CNIH3: variants seen among roughly 807,000 people sequenced by gnomAD.
The protein encoded by CNIH3 is cornichon family AMPA receptor auxiliary protein 3.
Under a neutral mutation model 24.1 loss-of-function variants are expected in CNIH3, and 14 were observed. The observed-to-expected ratio is 0.58, with a 90% confidence interval of 0.38 to 0.91. CNIH3 has a LOEUF of 0.91. Ranked by LOEUF, CNIH3 falls within the 40% of genes least tolerant of loss-of-function variation. The probability of loss-of-function intolerance (pLI) is 0.00; values close to 1 mark genes in which losing one functional copy is unlikely to be tolerated. For missense variants in CNIH3, 178 were observed against 196.8 expected (o/e 0.90, Z 0.57); for synonymous variants, 68 against 73.8 (o/e 0.92, Z 0.40).
At chr1:224,499,841 A>T (rs1480361709) in intron 1 of CNIH3, among the ~76,000 whole-genome samples, 2 of 151,006 alleles carry the variant, frequency 1.3e-5, no homozygotes, top group Non-Finnish European at 2.9e-5. Context: ...AGGCAGGAGG[A>T]TCGCTTGAGG....
At chr1:224,521,473 T>C (rs1035810498) in intron 2 of CNIH3, 2 of 152,100 alleles carry the variant, frequency 1.3e-5, no homozygotes, top group African/African-American at 2.4e-5. Flanking sequence ...ACACACTGGG[T>C]TTTCTTTGGG....
At chr1:224,690,620 T>C (rs1686883815) in intron 3 of CNIH3, among the ~76,000 whole-genome samples, 1 of 152,250 alleles carries the variant, frequency 6.6e-6, no homozygotes, top group African/African-American at 2.4e-5. Context: ...GACAATTCTG[T>C]GATTCTCCAA....
chr1:224,707,340 G>T (rs1326109639), intron 3 of CNIH3, among the ~76,000 whole-genome samples: 1 of 152,064 alleles, frequency 6.6e-6, no homozygotes, highest in Non-Finnish European at 1.5e-5. Context: ...AAATCTATTG[G>T]ATGAAAAGCA....
At chr1:224,533,548 T>C (rs569189229) in intron 2 of CNIH3, among the ~76,000 whole-genome samples, 78 of 152,302 alleles carry the variant, frequency 5.1e-4, no homozygotes, top group African/African-American at 1.9e-3. Flanking sequence ...TGGAAGTCTG[T>C]CATCGAGGTG....
rs537147525 is a variant in CNIH3 at position 224,647,049 on chromosome 1, C to T, written c.81+29794C>T. The stretch of plus-strand genomic sequence containing the variant: ...TCATGCAAGCCAGGGCGCAGTGGTG[C>T]AGTCTCGGCTCGCTGCAACCTCCAC... On this transcript the variant is annotated intron_variant, in intron 1 of 5. Coordinates refer to ENST00000272133, the MANE Select transcript of CNIH3 (RefSeq NM_152495.2). 2.7e-3 allele frequency among the ~76,000 whole-genome samples: 416 copies of T among 152,250 alleles called. 1 individual carries two copies. The highest frequency in any genetic ancestry group is 0.027 in the Middle Eastern group (8 of 294).
intron 1 of CNIH3, among the ~76,000 whole-genome samples, chr1:224,486,827 G>T (rs111473665): frequency 1.6e-3 from 242 of 152,310 alleles, no homozygotes; most frequent in African/African-American, 5.7e-3. Context: ...TTATCACAGT[G>T]CCTGATGCAC....
In CNIH3 at chr1:224,672,897, A is replaced by C. The variant is rs1028189431; in HGVS notation, c.82-8061A>C. 7.2e-5 allele frequency among the ~76,000 whole-genome samples: 11 copies of C among 152,262 alleles called. No homozygotes were observed. The East Asian group carries it at 2.1e-3, about 29-fold the overall frequency. ...TGGACCTGTAGTCAGAGTTTCTAGG[A>C]GGTTTGGGGCATGTGCCCACTCATT... On this transcript the variant is annotated intron_variant, in intron 1 of 5. Transcript: ENST00000272133.
chr1:224,516,401 C>G (rs1404969013), intron 1 of CNIH3, among the ~76,000 whole-genome samples: 4 of 151,686 alleles, frequency 2.6e-5, no homozygotes, highest in Non-Finnish European at 5.9e-5. Flanking sequence ...TTGCTGACTT[C>G]CTAGTCAACT....
At chr1:224,644,292 C>T (rs1684495560) in intron 1 of CNIH3, among the ~76,000 whole-genome samples, 1 of 152,150 alleles carries the variant, frequency 6.6e-6, no homozygotes, top group African/African-American at 2.4e-5. Context: ...CTCACTGCAG[C>T]CTTGACCTCC....
chr1:224,519,718 A>G (rs1308428994), intron 1 of CNIH3, among the ~76,000 whole-genome samples: 1 of 150,620 alleles, frequency 6.6e-6, no homozygotes, highest in Non-Finnish European at 1.5e-5. Context: ...ATAAAAATAT[A>G]TAATATGTGA....
At chr1:224,516,833 C>T (rs182963288) in intron 1 of CNIH3, among the ~76,000 whole-genome samples, 33 of 152,084 alleles carry the variant, frequency 2.2e-4, no homozygotes, top group Admixed American at 5.9e-4. Context: ...TCTGTCTCTA[C>T]GCAGTGCTAA....
At chr1:224,555,088 A>G (rs561183221) in intron 3 of CNIH3, among the ~76,000 whole-genome samples, 24 of 152,234 alleles carry the variant, frequency 1.6e-4, no homozygotes, top group Admixed American at 4.6e-4. Context: ...TCCCCCGTGG[A>G]TACTGTGGGA....
chr1:224,512,252 G>T (rs901043801), upstream of CNIH3, among the ~76,000 whole-genome samples: 4 of 152,192 alleles, frequency 2.6e-5, no homozygotes, highest in African/African-American at 9.7e-5. Context: ...GAGAGGCCAA[G>T]GCAGAGGATC....
At chr1:224,568,056 A>T (rs149515595) in intron 4 of CNIH3, among the ~76,000 whole-genome samples, 2,349 of 152,048 alleles carry the variant, frequency 0.015, 59 homozygotes, top group African/African-American at 0.051. Flanking sequence ...CTTTGGGAGG[A>T]CAAGGCGGGC....
At chr1:224,507,850 A>G (rs1259440939) in intron 1 of CNIH3, among the ~76,000 whole-genome samples, 1 of 152,238 alleles carries the variant, frequency 6.6e-6, no homozygotes, top group Non-Finnish European at 1.5e-5. Context: ...CTGTGGTGAT[A>G]TGAAGATGAA....
At chr1:224,494,059 T>C (rs1677338533) in intron 1 of CNIH3, among the ~76,000 whole-genome samples, 1 of 152,254 alleles carries the variant, frequency 6.6e-6, no homozygotes, top group South Asian at 2.1e-4. Flanking sequence ...TAATAATGTC[T>C]TTCAGTCTTT....
chr1:224,452,513 G>A (rs920715583), intron 1 of CNIH3, among the ~76,000 whole-genome samples: 19 of 151,900 alleles, frequency 1.3e-4, no homozygotes, highest in Admixed American at 2.6e-4. Context: ...CGGGCACGGT[G>A]GCTCACACCT....
chr1:224,578,198 C>T (rs1056444447), intron 4 of CNIH3, among the ~76,000 whole-genome samples: 4 of 152,098 alleles, frequency 2.6e-5, no homozygotes, highest in African/African-American at 4.8e-5. Context: ...ACAACAATGA[C>T]GACAACAAAA....
At chr1:224,722,218 A>G (rs927130519) in intron 3 of CNIH3, among the ~76,000 whole-genome samples, 1 of 152,142 alleles carries the variant, frequency 6.6e-6, no homozygotes, top group African/African-American at 2.4e-5. Flanking sequence ...TCCAGGTGTT[A>G]TGGCCCGGTG....
Sources: allele counts gnomAD v4.1 joint callset (sites outside exome capture counted in the v4.1 genomes callset), GRCh38; gene constraint gnomAD v4.1.1; transcripts MANE v1.5; gene names NCBI Gene and HGNC (gene_info 2026-07-23, HGNC 2026-07-21).